PHACTR2: variants seen among roughly 807,000 people sequenced by gnomAD.
The protein encoded by PHACTR2 is phosphatase and actin regulator 2.
A neutral mutation model predicts 76.0 loss-of-function variants in PHACTR2; 30 were observed. That is an observed-to-expected ratio of 0.39 (90% CI 0.30 to 0.54). The LOEUF is 0.54. Ranked by LOEUF, PHACTR2 falls within the 20% of genes least tolerant of loss-of-function variation. The pLI is 0.61. For synonymous variants in PHACTR2, 292 were observed against 292.5 expected, an observed-to-expected ratio of 1.00 and a Z score of 0.02; for missense variants, 696 against 781.1, an observed-to-expected ratio of 0.89 and a Z score of 1.30.
At chr6:143,788,953 T>C in intron 11 of PHACTR2, 43 bp downstream of exon 11, 2 of 1,574,210 alleles carry the variant, frequency 1.3e-6, no homozygotes, top group Non-Finnish European at 8.7e-7. Flanking sequence ...ATTGCTTTTC[T>C]GGAAGCTCCA....
In PHACTR2 at chr6:143,695,957, A is replaced by T. The variant is rs1777761248; in HGVS notation, c.47-16059A>T. The stretch of plus-strand genomic sequence containing the variant: ...ATAGCGCCTAATCAGTTTCACCTTG[A>T]TTTACTAAGCGTTGTATTAATCAAG... On this transcript the variant is annotated intron_variant, in intron 1 of 12. Transcript: ENST00000440869. The surrounding 1 kb of genome is among the most constrained non-coding windows in gnomAD (Gnocchi z 4.4). 6.6e-6 allele frequency among the ~76,000 whole-genome samples: 1 copy of T among 152,216 alleles called. No homozygotes were observed. Among genetic ancestry groups the T allele is most frequent in the South Asian group, 2.1e-4 (1 of 4,830 alleles).
chr6:143,703,758 G>C (rs780634135), intron 1 of PHACTR2, among the ~76,000 whole-genome samples: 4 of 152,010 alleles, frequency 2.6e-5, no homozygotes, highest in Non-Finnish European at 5.9e-5. Flanking sequence ...ATTTTCTTCT[G>C]AGCCAAGATC....
chr6:143,608,671 T>C lies in PHACTR2; in HGVS notation c.13+349T>C, dbSNP rs559315287. 6.6e-6 allele frequency among the ~76,000 whole-genome samples: 1 copy of C among 152,306 alleles called. No homozygotes were observed. Among genetic ancestry groups the C allele is most frequent in the East Asian group, 1.9e-4 (1 of 5,186 alleles). ...TTACTAAGGGATGGCACAAGGTAGA[T>C]GGAATTAAGTTAATGAGCTGAGCAA... is the stretch of plus-strand genomic sequence containing the variant. On this transcript the variant is annotated intron_variant, in intron 1 of 11. Coordinates refer to the PHACTR2 transcript ENST00000305766. This position sits in a 1 kb window ranked among gnomAD's most constrained non-coding sequence, Gnocchi z 4.6.
intron 1 of PHACTR2, among the ~76,000 whole-genome samples, chr6:143,632,813 A>G (rs777081921): frequency 3.9e-5 from 6 of 152,068 alleles, no homozygotes; most frequent in Non-Finnish European, 8.8e-5. Flanking sequence ...TACTGTCTCC[A>G]TAGTTTTGCC....
At chr6:143,655,157 CA>C (rs151076366) in intron 1 of PHACTR2, among the ~76,000 whole-genome samples, 29,632 of 98,616 alleles carry the variant, frequency 0.3, 2,275 homozygotes, top group Middle Eastern at 0.44. Context: ...AACTCCGTCT[CA>C]AAAAAAAAAA....
intron 1 of PHACTR2, among the ~76,000 whole-genome samples, chr6:143,651,098 A>T (rs541773913): frequency 2.6e-5 from 4 of 152,216 alleles, no homozygotes; most frequent in African/African-American, 9.6e-5. Context: ...AAAGCTCAAC[A>T]TCACTGATCA....
intron 1 of PHACTR2, among the ~76,000 whole-genome samples, chr6:143,614,530 A>AT (rs1776031744): frequency 6.6e-6 from 1 of 152,150 alleles, no homozygotes; most frequent in Non-Finnish European, 1.5e-5. Context: ...TACTTTTGGT[A>AT]AGTAACTTTT....
Position 143,648,722 on chromosome 6 carries a change from A to G in PHACTR2, c.13+40400A>G, listed in dbSNP as rs750460946. On this transcript the variant is annotated intron_variant, in intron 1 of 11. Coordinates refer to the PHACTR2 transcript ENST00000305766. The surrounding 1 kb of genome is among the most constrained non-coding windows in gnomAD (Gnocchi z 6.7). ...GGCAGACTACTCTGTCTGCATTCCT[A>G]CAACTGCTTCTCCTCCCCAGGATGT... is the stretch of plus-strand genomic sequence containing the variant. Among the ~76,000 whole-genome samples the G allele has an allele frequency of 6.6e-5, 10 of 152,074 alleles. No homozygotes were observed. The highest frequency in any genetic ancestry group is 1.3e-4 in the Non-Finnish European group (9 of 68,004).
rs1014509652 is a variant in PHACTR2, at chr6:143,662,228, C to T, written c.14-49788C>T. Among the ~76,000 whole-genome samples, 4 of 152,014 alleles carry T rather than the reference C, an allele frequency of 2.6e-5. No homozygotes were observed. The highest frequency in any genetic ancestry group is 9.7e-5 in the African/African-American group (4 of 41,376). On this transcript the variant is annotated intron_variant, in intron 1 of 11. Coordinates refer to the PHACTR2 transcript ENST00000305766. This position sits in a 1 kb window ranked among gnomAD's most constrained non-coding sequence, Gnocchi z 4.7. ...AGCCTCTTCAATATGCACAACTTAC[C>T]CTAGAGAGCTGTTTTACTTGGAGGC...
chr6:143,783,193 C>A lies in PHACTR2; in HGVS notation c.1646-26C>A. The A allele has an allele frequency of 6.6e-7, 1 of 1,506,232 alleles. No homozygotes were observed. The allele number at this position is 1,506,232 out of a possible 1,614,324, so 93.3% of individuals were successfully genotyped here. ...TGAAATCATCTATAGTAACTGTCAT[C>A]ACGACTTTCCTCCTTTAATAAACAG... On this transcript the variant is annotated intron_variant, in intron 9 of 12. Transcript: ENST00000440869. This position sits in a 1 kb window ranked among gnomAD's most constrained non-coding sequence, Gnocchi z 5.2.
rs2128437620 is a variant in PHACTR2 at position 143,610,850 on chromosome 6, T to C, written c.13+2528T>C. On this transcript the variant is annotated intron_variant, in intron 1 of 11. Coordinates refer to the PHACTR2 transcript ENST00000305766. The surrounding 1 kb of genome is among the most constrained non-coding windows in gnomAD (Gnocchi z 4.9). ...AATAACAATAAAATATTTATCAAAC[T>C]GTGTGTGTGGAATATGTCAGGGCAA... Among the ~76,000 whole-genome samples, 1 of 152,304 alleles carries C rather than the reference T, an allele frequency of 6.6e-6. No individual in the cohort carries two copies. Among genetic ancestry groups the C allele is most frequent in the Non-Finnish European group, 1.5e-5 (1 of 68,020 alleles).
At chr6:143,649,735 A>G (rs1163594335) in intron 1 of PHACTR2, among the ~76,000 whole-genome samples, 1 of 152,218 alleles carries the variant, frequency 6.6e-6, no homozygotes, top group Non-Finnish European at 1.5e-5. Flanking sequence ...CACAGCCAAT[A>G]TCATACTGAA....
Position 143,814,894 on chromosome 6 carries a change from C to G in PHACTR2, c.1922+7761C>G, listed in dbSNP as rs139688476. 2.8e-4 allele frequency among the ~76,000 whole-genome samples: 43 copies of G among 152,074 alleles called. No individual in the cohort carries two copies. In the East Asian group the frequency reaches 3.3e-3, roughly 12 times the overall value. On this transcript the variant is annotated intron_variant, in intron 12 of 12. Transcript: ENST00000440869. ...TGGGATTACAGGCGTGAGCCACCGC[C>G]GCCGGCCCATATAAGTATTTTTTAA...
rs1300203273 is a variant in PHACTR2 at position 143,697,482 on chromosome 6, GT to G, written c.47-14529del. ...ATTTCACATATAAATTATTCCAGCT[GT>G]TTTTCAATTATTTGTCTTTGATGAA... On this transcript the variant is annotated intron_variant, in intron 1 of 12. Coordinates refer to ENST00000440869, the MANE Select transcript of PHACTR2 (RefSeq NM_001100164.2). The surrounding 1 kb of genome is among the most constrained non-coding windows in gnomAD (Gnocchi z 4.4). Among the ~76,000 whole-genome samples the G allele has an allele frequency of 6.6e-6, 1 of 152,132 alleles. No individual in the cohort carries two copies. The highest frequency in any genetic ancestry group is 2.4e-5 in the African/African-American group (1 of 41,440).
Position 143,760,707 on chromosome 6 carries a change from GT to G in PHACTR2, c.694+70del. 1.9e-6 allele frequency: 3 copies of G among 1,556,626 alleles called. No individual in the cohort carries two copies. The South Asian group carries it at 3.6e-5, about 19-fold the overall frequency. On this transcript the variant is annotated intron_variant, in intron 5 of 12. Coordinates refer to ENST00000440869, the MANE Select transcript of PHACTR2 (RefSeq NM_001100164.2). This position sits in a 1 kb window ranked among gnomAD's most constrained non-coding sequence, Gnocchi z 6.4. ...GCTTGGCTCTGGGATGGGGCTAATTGTTTCTTCTAGGTGTGATGGGCTTTTG... is the reference window on the plus strand; with the variant it reads ...GCTTGGCTCTGGGATGGGGCTAATTGTTCTTCTAGGTGTGATGGGCTTTTG...
At chr6:143,582,879 A>G (rs868088553) in intron 1 of PHACTR2, among the ~76,000 whole-genome samples, 1 of 152,238 alleles carries the variant, frequency 6.6e-6, no homozygotes, top group Non-Finnish European at 1.5e-5. Flanking sequence ...GGCTCTGCCA[A>G]GATTTTATTG....
At position 143,619,151 on chromosome 6, in the gene PHACTR2, CCTGT is replaced by C. The variant is rs531417607; in HGVS notation, c.13+10839_13+10842del. On this transcript the variant is annotated intron_variant, in intron 1 of 11. Coordinates refer to the PHACTR2 transcript ENST00000305766. The surrounding 1 kb of genome is among the most constrained non-coding windows in gnomAD (Gnocchi z 4.5). ...CACTTGTGCAATTAAAATCTTCCTG[CCTGT>C]CTGTCTGTCCATCCATCCATCCATC... Among the ~76,000 whole-genome samples, 705 of 122,706 alleles carry C rather than the reference CCTGT, an allele frequency of 5.7e-3. 6 individuals carry two copies. The highest frequency in any genetic ancestry group is 0.02 in the Middle Eastern group (4 of 200). 80.5% of individuals were successfully genotyped at this position (122,706 alleles called of 152,430 possible). A position where few individuals can be genotyped will look rare whatever the true frequency, so the allele number is the denominator to read the frequency against.
At chr6:143,766,494 A>G (rs1176257522) in intron 6 of PHACTR2, among the ~76,000 whole-genome samples, 1 of 152,264 alleles carries the variant, frequency 6.6e-6, no homozygotes, top group Admixed American at 6.5e-5. Flanking sequence ...TAAGATGGTT[A>G]TAGATAAAGT....
At chr6:143,604,898 A>AAC (rs1315582475), upstream of PHACTR2, among the ~76,000 whole-genome samples, 1 of 151,726 alleles carries the variant, frequency 6.6e-6, no homozygotes, top group Non-Finnish European at 1.5e-5. Flanking sequence ...TCTCAAAAAA[A>AAC]AAAAAGAGAA....
Sources: gnomAD v4.1 joint callset for allele counts (sites outside exome capture counted in the v4.1 genomes callset) on GRCh38, gnomAD v4.1.1 for gene constraint, Gnocchi (gnomAD v3.1) non-coding constraint, MANE v1.5 for transcripts, NCBI Gene and HGNC (gene_info 2026-07-23, HGNC 2026-07-21) for gene names.